The following GALNT15 variants were observed in gnomAD, a reference collection of about 807,000 sequenced individuals.
GALNT15 encodes the protein UDP-GalNAc transferase T15.
Under a neutral mutation model 66.8 loss-of-function variants are expected in GALNT15, and 67 were observed. That is an observed-to-expected ratio of 1.00 (90% CI 0.82 to 1.23). GALNT15 has a LOEUF of 1.23. Among genes scored for constraint, GALNT15 ranks in the 50% most tolerant of loss-of-function variants. The pLI is 0.00. For synonymous variants in GALNT15, 313 were observed against 311.5 expected, an observed-to-expected ratio of 1.00 and a Z score of -0.05; for missense variants, 827 against 804.3, an observed-to-expected ratio of 1.03 and a Z score of -0.34.
intron 9 of GALNT15, among the ~76,000 whole-genome samples, chr3:16,223,217 C>T (rs1014189904): frequency 2.0e-5 from 3 of 152,124 alleles, no homozygotes; most frequent in African/African-American, 7.2e-5. Context: ...GCAAATTGCA[C>T]TGTAAGTATT....
chr3:16,180,069 C>T lies in GALNT15; in HGVS notation c.539+4379C>T, dbSNP rs939661007. On this transcript the variant is annotated intron_variant, in intron 1 of 9. Transcript: ENST00000339732. This position sits in a 1 kb window ranked among gnomAD's most constrained non-coding sequence, Gnocchi z 5.0. ...GCCAGTGCTTTGTAATCTACATCTA[C>T]GGCTGAACTTGAGCGTGCATCCGAA... 3.3e-5 allele frequency among the ~76,000 whole-genome samples: 5 copies of T among 152,322 alleles called. No homozygotes were observed. The highest frequency in any genetic ancestry group is 3.4e-3 in the Middle Eastern group (1 of 294).
chr3:16,224,401 C>A lies in GALNT15; in HGVS notation c.1773+1643C>A, dbSNP rs1327233484. On this transcript the variant is annotated intron_variant, in intron 9 of 9. Transcript: ENST00000339732. The surrounding 1 kb of genome is among the most constrained non-coding windows in gnomAD (Gnocchi z 5.2). ...GAGGACATTATGCTGGTGAAATAAA[C>A]CCATCACAAAAGGACAAAAACTGTA... is the stretch of plus-strand genomic sequence containing the variant. 2.6e-5 allele frequency among the ~76,000 whole-genome samples: 4 copies of A among 152,070 alleles called. No individual in the cohort carries two copies. The highest frequency in any genetic ancestry group is 5.9e-5 in the Non-Finnish European group (4 of 68,018).
Position 16,209,990 on chromosome 3 carries a change from C to T in GALNT15, c.1080-1134C>T, listed in dbSNP as rs1249017476. Among the ~76,000 whole-genome samples, 1 of 152,204 alleles carries T rather than the reference C, an allele frequency of 6.6e-6. No homozygotes were observed. Among genetic ancestry groups the T allele is most frequent in the East Asian group, 1.9e-4 (1 of 5,204 alleles). The stretch of plus-strand genomic sequence containing the variant: ...ACTAAAGAGTGCCGGGCAGACCCCA[C>T]TAGGACTGATGTGTGGTATACGATG... On this transcript the variant is annotated intron_variant, in intron 4 of 9. Transcript: ENST00000339732. The surrounding 1 kb of genome is among the most constrained non-coding windows in gnomAD (Gnocchi z 4.1).
the GALNT15 span, among the ~76,000 whole-genome samples, chr3:16,247,476 G>C: frequency 6.6e-6 from 1 of 152,220 alleles, no homozygotes. Flanking sequence ...TAATTGGTTA[G>C]CTTGCGCCAC....
Position 16,175,555 on chromosome 3 carries a change from G to T in GALNT15, c.404G>T (p.Trp135Leu), listed in dbSNP as rs774975985. Residue 135 changes from tryptophan (W) to leucine (L), a missense_variant, in exon 1 of 10, where the codon TGG becomes TTG. Physicochemically the swap from Trp to Leu is moderately conservative, Grantham distance 61 (BLOSUM62 -2). Transcript: ENST00000339732. The surrounding 1 kb of genome is among the most constrained non-coding windows in gnomAD (Gnocchi z 5.6). ...RQDKEAPKRD[W>L]GADEDGEVSE... ...GATAAGGAAGCCCCAAAGAGGGACTGGGGGGCTGATGAGGACGGGGAGGTG... is the reference window on the plus strand; with the variant it reads ...GATAAGGAAGCCCCAAAGAGGGACTTGGGGGCTGATGAGGACGGGGAGGTG... The T allele has an allele frequency of 9.3e-6, 15 of 1,613,900 alleles. 2 individuals are homozygous for T. The Admixed American group carries it at 1.0e-4, about 11-fold the overall frequency.
Position 16,180,380 on chromosome 3 carries a change from C to T in GALNT15, c.539+4690C>T. Among the ~76,000 whole-genome samples the T allele has an allele frequency of 6.6e-6, 1 of 152,240 alleles. No individual in the cohort carries two copies. The highest frequency in any genetic ancestry group is 6.5e-5 in the Admixed American group (1 of 15,286). ...ATTCAGCAGGTCAGGAGGGCAGCCT[C>T]AGATGCTCCATTTCTATCAAAGGCA... is the stretch of plus-strand genomic sequence containing the variant. On this transcript the variant is annotated intron_variant, in intron 1 of 9. Coordinates refer to ENST00000339732, the MANE Select transcript of GALNT15 (RefSeq NM_054110.5). This position sits in a 1 kb window ranked among gnomAD's most constrained non-coding sequence, Gnocchi z 5.0.
intron 9 of GALNT15, among the ~76,000 whole-genome samples, chr3:16,223,301 G>T (rs1372561512): frequency 6.6e-6 from 1 of 152,170 alleles, no homozygotes; most frequent in Non-Finnish European, 1.5e-5. Context: ...AGAAGTTAGG[G>T]AGGGAATAGG....
rs1381221693 is a variant in GALNT15, at chr3:16,200,446, C to T, written c.707-173C>T. 6.6e-6 allele frequency among the ~76,000 whole-genome samples: 1 copy of T among 152,194 alleles called. No individual in the cohort carries two copies. Among genetic ancestry groups the T allele is most frequent in the Non-Finnish European group, 1.5e-5 (1 of 68,038 alleles). ...GGAGAGAATCATGGCCCACCCCAAC[C>T]TAACCAAGCATCTTACATCTCAGCA... On this transcript the variant is annotated intron_variant, in intron 2 of 9. Transcript: ENST00000339732. The surrounding 1 kb of genome is among the most constrained non-coding windows in gnomAD (Gnocchi z 4.4).
rs763326249 is a variant in GALNT15, at chr3:16,228,112, G to C, written c.*612G>C. On this transcript the variant is annotated 3_prime_UTR_variant, in exon 10 of 10. Coordinates refer to ENST00000339732, the MANE Select transcript of GALNT15 (RefSeq NM_054110.5). ...AATTCTCCAGCTCAACCCAGCAGCT[G>C]AAAAGCTTCAAGAGATCTAGGAAAA... is the stretch of plus-strand genomic sequence containing the variant. 1.0e-6 allele frequency: 1 copy of C among 986,076 alleles called. No homozygotes were observed. The highest frequency in any genetic ancestry group is 1.2e-6 in the Non-Finnish European group (1 of 830,102). 61.1% of individuals were successfully genotyped at this position (986,076 alleles called of 1,614,324 possible).
intron 6 of GALNT15, among the ~76,000 whole-genome samples, chr3:16,214,911 C>G (rs183657312): frequency 3.9e-5 from 6 of 152,322 alleles, no homozygotes; most frequent in Non-Finnish European, 8.8e-5. Flanking sequence ...CAGAGCTTCT[C>G]TGGTTTTTAC....
At chr3:16,206,671 T>TAAAAAAAAAAAAAAAAA (rs1170870767) in intron 3 of GALNT15, among the ~76,000 whole-genome samples, 2 of 60,046 alleles carry the variant, frequency 3.3e-5, no homozygotes, top group East Asian at 4.1e-4. Flanking sequence ...AGACTCTGTC[T>TAAAAAAAAAAAAAAAAA]AAAAAAAAAA....
Position 16,207,796 on chromosome 3 carries a change from T to C in GALNT15, c.912-707T>C, listed in dbSNP as rs571679186. Among the ~76,000 whole-genome samples the C allele has an allele frequency of 4.1e-4, 62 of 152,234 alleles. 1 individual carries two copies. The South Asian group carries it at 0.012, about 29-fold the overall frequency. ...TATTTTTTATATGGACATGGAAGAT[T>C]TCATTCAGGAGTGGCCCATAGTTTT... On this transcript the variant is annotated intron_variant, in intron 3 of 9. Transcript: ENST00000339732.
rs79364534 is a variant in GALNT15 at position 16,229,361 on chromosome 3, T to C, written c.*1861T>C. ...GAAAATTTAAAACTCAATTCCTCAA[T>C]TGGGCTGGCCACATTTCAAATGCTC... On this transcript the variant is annotated 3_prime_UTR_variant, in exon 10 of 10. Transcript: ENST00000339732. The C allele has an allele frequency of 0.096, 82,243 of 853,198 alleles. 4,332 individuals are homozygous for C. The highest frequency in any genetic ancestry group is 0.17 in the South Asian group (3,118 of 18,556). The allele number at this position is 853,198 out of a possible 1,614,324, so 52.9% of individuals were successfully genotyped here. A position where few individuals can be genotyped will look rare whatever the true frequency, so the allele number is the denominator to read the frequency against.
chr3:16,178,676 C>A (rs2063438584), intron 1 of GALNT15, among the ~76,000 whole-genome samples: 1 of 152,210 alleles, frequency 6.6e-6, no homozygotes, highest in Admixed American at 6.5e-5. Flanking sequence ...CGATCTCCAC[C>A]CTCCCCCCAG....
intron 3 of GALNT15, among the ~76,000 whole-genome samples, chr3:16,205,304 G>C (rs1162823625): frequency 6.6e-6 from 1 of 152,218 alleles, no homozygotes; most frequent in Non-Finnish European, 1.5e-5. Flanking sequence ...AATTAACAAG[G>C]AATGAGATAA....
intron 3 of GALNT15, among the ~76,000 whole-genome samples, chr3:16,207,970 A>G (rs2063775195): frequency 6.6e-6 from 1 of 152,204 alleles, no homozygotes; most frequent in African/African-American, 2.4e-5. Flanking sequence ...TATAACAGGT[A>G]TCTCAAGATT....
At chr3:16,239,555 G>C in the GALNT15 span, among the ~76,000 whole-genome samples, 1 of 152,214 alleles carries the variant, frequency 6.6e-6, no homozygotes, top group African/African-American at 2.4e-5. This position sits in a 1 kb window ranked among gnomAD's most constrained non-coding sequence, Gnocchi z 5.2. Flanking sequence ...CGTGTACTCA[G>C]TTTGGGATAT....
At chr3:16,217,805 T>G (rs2063895431) in intron 6 of GALNT15, among the ~76,000 whole-genome samples, 1 of 152,214 alleles carries the variant, frequency 6.6e-6, no homozygotes, top group South Asian at 2.1e-4. Flanking sequence ...TGTTTCTGTT[T>G]TGGTAGCAAA....
At position 16,200,767 on chromosome 3, in the gene GALNT15, C is replaced by T; in HGVS notation, c.855C>T (p.His285=). The part of the protein sequence containing the change: ...TGDVLVFMDA[H]CECHPGWLEP... ...ATGTGCTCGTCTTCATGGATGCCCACTGCGAGTGCCACCCAGGCTGGCTGG... is the reference window on the plus strand; with the variant it reads ...ATGTGCTCGTCTTCATGGATGCCCATTGCGAGTGCCACCCAGGCTGGCTGG... The change falls in exon 3 of 10, where the codon CAC becomes CAT. Residue 285 remains histidine, a synonymous_variant. Transcript: ENST00000339732. This position sits in a 1 kb window ranked among gnomAD's most constrained non-coding sequence, Gnocchi z 4.4. The T allele has an allele frequency of 1.2e-6, 2 of 1,612,330 alleles. No individual in the cohort carries two copies. The highest frequency in any genetic ancestry group is 1.7e-6 in the Non-Finnish European group (2 of 1,179,324).
Sources: allele counts gnomAD v4.1 joint callset (sites outside exome capture counted in the v4.1 genomes callset), GRCh38; gene constraint gnomAD v4.1.1; non-coding constraint Gnocchi (gnomAD v3.1); transcripts MANE v1.5; gene names NCBI Gene and HGNC (gene_info 2026-07-23, HGNC 2026-07-21).